Variants in PIK3R6 observed in about 807,000 individuals in gnomAD.
PIK3R6 encodes phosphoinositide 3-kinase regulatory subunit 6.
A neutral mutation model predicts 84.9 loss-of-function variants in PIK3R6; 91 were observed. That is an observed-to-expected ratio of 1.07 (90% CI 0.90 to 1.28). The LOEUF is 1.28. Ranked by LOEUF, PIK3R6 falls within the 50% of genes most tolerant of loss-of-function variation. The pLI is 0.00. For synonymous variants in PIK3R6, 416 were observed against 411.4 expected (o/e 1.01, Z -0.13); for missense variants, 996 against 985.1 (o/e 1.01, Z -0.15).
At chr17:8,840,408 T>C (rs1449761813) in intron 2 of PIK3R6, among the ~76,000 whole-genome samples, 3 of 141,034 alleles carry the variant, frequency 2.1e-5, no homozygotes, top group Non-Finnish European at 3.0e-5. Flanking sequence ...GAAATATATA[T>C]AGCCTCCAAA....
chr17:8,813,057 G>T (rs748393305), intron 18 of PIK3R6, among the ~76,000 whole-genome samples: 1 of 151,992 alleles, frequency 6.6e-6, no homozygotes, highest in Admixed American at 6.6e-5. Context: ...AATGAGAAAG[G>T]TATCATTACA....
intron 17 of PIK3R6, 128 bp downstream of exon 17, chr17:8,821,718 A>G: frequency 9.8e-7 from 1 of 1,023,516 alleles, no homozygotes; most frequent in Non-Finnish European, 1.4e-6. Context: ...GGCAGTCACC[A>G]AGTCCTGGTC....
At chr17:8,852,091 C>T (rs116635113) in intron 1 of PIK3R6, among the ~76,000 whole-genome samples, 1,819 of 152,202 alleles carry the variant, frequency 0.012, 35 homozygotes, top group African/African-American at 0.042. Context: ...GAGGCAGAGA[C>T]AGCAAGTATG....
chr17:8,856,280 C>T (rs2089138259), intron 1 of PIK3R6, among the ~76,000 whole-genome samples: 1 of 152,218 alleles, frequency 6.6e-6, no homozygotes, highest in Admixed American at 6.5e-5. Context: ...CCAGTGATAA[C>T]ATCTTGCAAA....
intron 18 of PIK3R6, among the ~76,000 whole-genome samples, chr17:8,817,890 T>A (rs1213249039): frequency 6.6e-6 from 1 of 151,524 alleles, no homozygotes; most frequent in Non-Finnish European, 1.5e-5. Context: ...AGAGAGGTAG[T>A]TGGGTCATGG....
intron 10 of PIK3R6, among the ~76,000 whole-genome samples, chr17:8,829,463 T>C (rs3890897): frequency 0.47 from 63,088 of 133,454 alleles, 14,344 homozygotes; most frequent in African/African-American, 0.61. Flanking sequence ...TCCACACACA[T>C]ACACTGACAC....
At chr17:8,854,244 G>A (rs1165232118) in intron 1 of PIK3R6, among the ~76,000 whole-genome samples, 1 of 152,028 alleles carries the variant, frequency 6.6e-6, no homozygotes, top group African/African-American at 2.4e-5. Context: ...CGCCTCCTGG[G>A]TTCAAGCAAT....
At chr17:8,826,967 T>A (rs1408714268) in intron 13 of PIK3R6, among the ~76,000 whole-genome samples, 3 of 152,098 alleles carry the variant, frequency 2.0e-5, no homozygotes, top group African/African-American at 7.2e-5. Context: ...AAAGCCACTA[T>A]CTGGTTAGGG....
At chr17:8,813,029 C>A (rs928362844) in intron 18 of PIK3R6, among the ~76,000 whole-genome samples, 1 of 152,068 alleles carries the variant, frequency 6.6e-6, no homozygotes, top group Non-Finnish European at 1.5e-5. Context: ...AGAGAAGAAT[C>A]AAATAAGCAC....
At chr17:8,858,310 C>CTTTTTTTT (rs752142944) in intron 1 of PIK3R6, among the ~76,000 whole-genome samples, 2 of 95,512 alleles carry the variant, frequency 2.1e-5, no homozygotes, top group East Asian at 3.5e-4. Context: ...CTCAATTAAT[C>CTTTTTTTT]TTTTTTTTTT....
rs772725848 is a variant in PIK3R6, at chr17:8,828,899, G to T, written c.981C>A (p.Asp327Glu). 1.3e-6 allele frequency: 2 copies of T among 1,562,572 alleles called. No homozygotes were observed. Among genetic ancestry groups the T allele is most frequent in the East Asian group, 4.5e-5 (2 of 43,964 alleles). Residue 327 changes from aspartate (D) to glutamate (E), a missense_variant, in exon 11 of 20, where the codon GAC (aspartate) becomes GAA (glutamate). Asp to Glu is a conservative substitution (Grantham distance 45). Coordinates refer to ENST00000619866, the MANE Select transcript of PIK3R6 (RefSeq NM_001010855.4). Reference protein sequence around the residue: ...EVLDLQGLRPDRELARVSVLS... With the variant: ...EVLDLQGLRPERELARVSVLS... ...GCACAGAAACCCGGGCCAACTCCCG[G>T]TCCGGCCGGAGGCCCTGCAGATCCA...
chr17:8,846,195 C>G (rs1444444603), intron 2 of PIK3R6, among the ~76,000 whole-genome samples: 1 of 152,112 alleles, frequency 6.6e-6, no homozygotes, highest in Non-Finnish European at 1.5e-5. Flanking sequence ...CCAGTTATCC[C>G]AGTACCATTT....
chr17:8,849,987 T>G, intron 1 of PIK3R6, 102 bp from the exon 2 acceptor site: 1 of 587,198 alleles, frequency 1.7e-6, no homozygotes, highest in Non-Finnish European at 2.8e-6. Context: ...TCTAGCACAC[T>G]GGGGGGAAGT....
intron 2 of PIK3R6, among the ~76,000 whole-genome samples, chr17:8,843,058 GA>G (rs2088725230): frequency 6.6e-6 from 1 of 152,172 alleles, no homozygotes; most frequent in African/African-American, 2.4e-5. Flanking sequence ...TCCAGGCTGA[GA>G]GTGGACAGGA....
Position 8,828,756 on chromosome 17 carries a change from C to A in PIK3R6, c.1124G>T (p.Arg375Leu). 1 of 1,599,474 alleles carries A rather than the reference C, an allele frequency of 6.3e-7. No individual in the cohort carries two copies. Among genetic ancestry groups the A allele is most frequent in the Non-Finnish European group, 8.5e-7 (1 of 1,171,270 alleles). Residue 375 changes from arginine (R) to leucine (L), a missense_variant, in exon 11 of 20, where the codon CGT becomes CTT. Transcript: ENST00000619866. The part of the protein sequence containing the change: ...GLQRKGGIKK[R>L]AWPLDFLMPG... Reference sequence around the variant, plus strand: ...CATCAAGAAGTCCAGGGGCCATGCACGCTTCTTGATGCCCCCTTTGCGCTG... The same window carrying A: ...CATCAAGAAGTCCAGGGGCCATGCAAGCTTCTTGATGCCCCCTTTGCGCTG...
In PIK3R6 at chr17:8,842,067, G is replaced by C. The variant is rs1003491199; in HGVS notation, c.14-2370C>G. Among the ~76,000 whole-genome samples, 30 of 152,094 alleles carry C rather than the reference G, an allele frequency of 2.0e-4. No homozygotes were observed. Among genetic ancestry groups the C allele is most frequent in the African/African-American group, 7.0e-4 (29 of 41,400 alleles). On this transcript the variant is annotated intron_variant, in intron 2 of 19. Transcript: ENST00000619866. The surrounding 1 kb of genome is among the most constrained non-coding windows in gnomAD (Gnocchi z 4.5). ...TGCTTCATCTCTCAGCATGTGATCT[G>C]TACACACTGGCTCCCCTTCCACCAG... is the stretch of plus-strand genomic sequence containing the variant.
At chr17:8,817,714 T>C (rs1017149396) in intron 18 of PIK3R6, among the ~76,000 whole-genome samples, 1 of 152,160 alleles carries the variant, frequency 6.6e-6, no homozygotes, top group Non-Finnish European at 1.5e-5. Flanking sequence ...GGCTAAATAG[T>C]GACCACTGGT....
intron 14 of PIK3R6, 81 bp from the exon 15 acceptor site, chr17:8,823,167 A>T: frequency 9.0e-7 from 1 of 1,114,110 alleles, no homozygotes; most frequent in South Asian, 1.3e-5. Context: ...ATCCAGGGCC[A>T]TGGAGAACCC....
At chr17:8,836,514 G>A in intron 7 of PIK3R6, 33 bp downstream of exon 7, 1 of 1,611,378 alleles carries the variant, frequency 6.2e-7, no homozygotes, top group Non-Finnish European at 8.5e-7. Context: ...GTTTTAGGAG[G>A]CTGAAGGTAG....
Sources: allele counts gnomAD v4.1 joint callset (sites outside exome capture counted in the v4.1 genomes callset), GRCh38; gene constraint gnomAD v4.1.1; non-coding constraint Gnocchi (gnomAD v3.1); transcripts MANE v1.5; gene names NCBI Gene and HGNC (gene_info 2026-07-23, HGNC 2026-07-21).